Variants in NUBPL observed in about 807,000 individuals in gnomAD.
NUBPL encodes NUBP iron-sulfur cluster assembly factor, mitochondrial.
NUBPL carries 31 observed loss-of-function variants against 45.7 expected under a neutral mutation model. The observed-to-expected ratio is 0.68, with a 90% CI of 0.51 to 0.92. The LOEUF is 0.92. Among genes scored for constraint, NUBPL ranks in the 40% least tolerant of loss-of-function variants. NUBPL has a pLI of 0.00. For missense variants in NUBPL, 401 were observed against 398.7 expected, an observed-to-expected ratio of 1.01 and a Z score of -0.05; for synonymous variants, 144 against 140.9, an observed-to-expected ratio of 1.02 and a Z score of -0.15.
At chr14:31,800,213 A>G (rs533866048) in intron 7 of NUBPL, among the ~76,000 whole-genome samples, 3 of 152,268 alleles carry the variant, frequency 2.0e-5, no homozygotes, top group East Asian at 1.9e-4. Context: ...CTCCACTGAA[A>G]TCTTGAACCC....
chr14:31,667,286 T>C (rs1243337666), intron 4 of NUBPL, among the ~76,000 whole-genome samples: 2 of 152,062 alleles, frequency 1.3e-5, no homozygotes, highest in Non-Finnish European at 2.9e-5. Flanking sequence ...CTTCAAGCTT[T>C]ATTTCATTAA....
chr14:31,701,653 G>T (rs150531113), intron 6 of NUBPL, among the ~76,000 whole-genome samples: 3 of 152,154 alleles, frequency 2.0e-5, no homozygotes, highest in Non-Finnish European at 4.4e-5. Flanking sequence ...AACTCCAGGT[G>T]TGCCACCTTT....
At chr14:31,732,568 A>C (rs1415587336) in intron 6 of NUBPL, among the ~76,000 whole-genome samples, 1 of 136,126 alleles carries the variant, frequency 7.3e-6, no homozygotes, top group Non-Finnish European at 1.6e-5. Flanking sequence ...TCATGGGTAG[A>C]TTGTTTTTAA....
intron 4 of NUBPL, among the ~76,000 whole-genome samples, chr14:31,632,281 A>G (rs146914268): frequency 3.7e-4 from 57 of 152,296 alleles, no homozygotes; most frequent in African/African-American, 1.3e-3. Flanking sequence ...CAAATCTGAG[A>G]GAGAGTCTTG....
At chr14:31,708,634 C>G (rs776961653) in intron 6 of NUBPL, among the ~76,000 whole-genome samples, 7 of 152,192 alleles carry the variant, frequency 4.6e-5, no homozygotes, top group Non-Finnish European at 1.0e-4. Context: ...ACCTTGAGGA[C>G]AGTCGTCCAG....
intron 6 of NUBPL, among the ~76,000 whole-genome samples, chr14:31,754,486 C>A (rs1191015562): frequency 6.6e-6 from 1 of 150,896 alleles, no homozygotes; most frequent in Non-Finnish European, 1.5e-5. Flanking sequence ...GTAGGAGAAA[C>A]AACCCAGTTT....
At chr14:31,702,235 T>A (rs1037824967) in intron 6 of NUBPL, among the ~76,000 whole-genome samples, 1 of 152,212 alleles carries the variant, frequency 6.6e-6, no homozygotes, top group African/African-American at 2.4e-5. Context: ...TCTCCTGGCA[T>A]TGATGTATGA....
chr14:31,725,040 G>T (rs2139959589), intron 6 of NUBPL, among the ~76,000 whole-genome samples: 1 of 152,020 alleles, frequency 6.6e-6, no homozygotes, highest in Middle Eastern at 3.4e-3. Flanking sequence ...TTATAGTAAA[G>T]ATTTTGAACT....
intron 4 of NUBPL, among the ~76,000 whole-genome samples, chr14:31,665,452 AT>A (rs1423597528): frequency 6.6e-6 from 1 of 152,096 alleles, no homozygotes; most frequent in Non-Finnish European, 1.5e-5. Flanking sequence ...CAAAGAACTG[AT>A]TTATTTCTGT....
At chr14:31,646,890 T>C (rs2035869768) in intron 4 of NUBPL, among the ~76,000 whole-genome samples, 1 of 152,136 alleles carries the variant, frequency 6.6e-6, no homozygotes, top group East Asian at 1.9e-4. Flanking sequence ...TAGGCAATCT[T>C]TGTTCCTTTT....
chr14:31,603,299 G>GAAAAAA (rs529470069), intron 4 of NUBPL, among the ~76,000 whole-genome samples: 28 of 56,234 alleles, frequency 5.0e-4, no homozygotes, highest in Admixed American at 6.3e-4. Flanking sequence ...GATCCTGTCT[G>GAAAAAA]AAAAAAAAAA....
intron 8 of NUBPL, among the ~76,000 whole-genome samples, chr14:31,835,772 A>T (rs1007714102): frequency 7.3e-5 from 11 of 150,592 alleles, no homozygotes; most frequent in Non-Finnish European, 4.4e-5. Context: ...CATTTTTAAA[A>T]CTTATAACAT....
chr14:31,751,862 G>A (rs2038538542), intron 6 of NUBPL, among the ~76,000 whole-genome samples: 1 of 135,434 alleles, frequency 7.4e-6, no homozygotes, highest in Admixed American at 7.4e-5. Flanking sequence ...CTGAAACTTA[G>A]GAGGAGGTTC....
intron 4 of NUBPL, among the ~76,000 whole-genome samples, chr14:31,600,560 G>GTTGAAAGA (rs1445030843): frequency 3.3e-5 from 5 of 152,172 alleles, no homozygotes; most frequent in Non-Finnish European, 7.3e-5. Flanking sequence ...CTTTATTAAT[G>GTTGAAAGA]TTACAACAAA....
intron 6 of NUBPL, chr14:31,771,979 C>A: frequency 1.6e-6 from 1 of 631,882 alleles, no homozygotes; most frequent in Non-Finnish European, 2.0e-6. Flanking sequence ...GCTCTAATAC[C>A]TTAACCACTG....
rs1346282039 is a variant in NUBPL, at chr14:31,787,742, A to G, written c.514-38A>G. 7 of 1,350,636 alleles carry G rather than the reference A, an allele frequency of 5.2e-6. No homozygotes were observed. The Admixed American group carries it at 1.0e-4, about 19-fold the overall frequency. The allele number at this position is 1,350,636 out of a possible 1,614,324, so 83.7% of individuals were successfully genotyped here. A position where few individuals can be genotyped will look rare whatever the true frequency, so the allele number is the denominator to read the frequency against. On this transcript the variant is annotated intron_variant, in intron 6 of 10. Transcript: ENST00000281081. Reference sequence around the variant, plus strand: ...TGTTTACATCACTATTCAACATTGAATTTTTATACAATGATATAATCTATG... The same window carrying G: ...TGTTTACATCACTATTCAACATTGAGTTTTTATACAATGATATAATCTATG...
chr14:31,813,476 T>A, intron 7 of NUBPL, among the ~76,000 whole-genome samples: 1 of 149,978 alleles, frequency 6.7e-6, no homozygotes, highest in Admixed American at 6.6e-5. Context: ...CATACATACA[T>A]ATATATATAT....
chr14:31,828,921 A>G (rs112171254), intron 8 of NUBPL, among the ~76,000 whole-genome samples: 2,035 of 152,324 alleles, frequency 0.013, 43 homozygotes, highest in African/African-American at 0.047. Context: ...TTGTTAGGTG[A>G]ATGCCACTGA....
intron 4 of NUBPL, among the ~76,000 whole-genome samples, chr14:31,610,715 C>T (rs1273305609): frequency 6.7e-6 from 1 of 150,312 alleles, no homozygotes; most frequent in Non-Finnish European, 1.5e-5. Context: ...TTCAGTAATA[C>T]ATTAGACCAT....
Sources: allele counts gnomAD v4.1 joint callset (sites outside exome capture counted in the v4.1 genomes callset), GRCh38; gene constraint gnomAD v4.1.1; transcripts MANE v1.5; gene names NCBI Gene and HGNC (gene_info 2026-07-23, HGNC 2026-07-21).